The following RPTOR variants were observed in gnomAD, a reference collection of about 807,000 sequenced individuals.
RPTOR encodes the protein regulatory associated protein of MTOR complex 1, also known as regulatory-associated protein of mTOR.
A neutral mutation model predicts 169.9 loss-of-function variants in RPTOR; 21 were observed. The observed-to-expected ratio is 0.12, with a 90% confidence interval of 0.09 to 0.18. RPTOR has a LOEUF of 0.18. RPTOR is among the 10% of genes least tolerant of loss of function. The pLI is 1.00. For synonymous variants in RPTOR, 732 were observed against 753.2 expected, an observed-to-expected ratio of 0.97 and a Z score of 0.46; for missense variants, 1,133 against 1,855.9, an observed-to-expected ratio of 0.61 and a Z score of 7.16.
At chr17:80,794,555 C>T (rs570249675) in intron 7 of RPTOR, among the ~76,000 whole-genome samples, 6 of 152,326 alleles carry the variant, frequency 3.9e-5, no homozygotes, top group African/African-American at 1.2e-4. Context: ...CATTCCTACT[C>T]CTGGATATGT....
chr17:80,760,066 T>C (rs931041007), intron 6 of RPTOR, among the ~76,000 whole-genome samples: 3 of 152,140 alleles, frequency 2.0e-5, no homozygotes, highest in Non-Finnish European at 4.4e-5. Flanking sequence ...GTTCCATGTT[T>C]TATTTAGCCG....
intron 17 of RPTOR, among the ~76,000 whole-genome samples, chr17:80,889,667 C>T (rs112729882): frequency 3.4e-4 from 52 of 152,300 alleles, no homozygotes; most frequent in South Asian, 3.3e-3. Context: ...AAGGCCAGTG[C>T]GTGTGTGTGT....
chr17:80,619,881 T>C (rs1020026671), intron 1 of RPTOR, among the ~76,000 whole-genome samples: 3 of 152,178 alleles, frequency 2.0e-5, no homozygotes, highest in Non-Finnish European at 4.4e-5. Flanking sequence ...CAGGCTGTTA[T>C]AATAACATCA....
chr17:80,602,978 G>A (rs1236828322), intron 1 of RPTOR: 4 of 345,256 alleles, frequency 1.2e-5, no homozygotes, highest in Non-Finnish European at 5.5e-6. Context: ...TTCTTGGGTT[G>A]TCCATTGGAT....
chr17:80,907,503 G>A (rs1161754661), intron 20 of RPTOR, among the ~76,000 whole-genome samples: 2 of 152,262 alleles, frequency 1.3e-5, no homozygotes, highest in Non-Finnish European at 2.9e-5. Context: ...CCTCTACCAG[G>A]ATTGCTGCTT....
intron 18 of RPTOR, among the ~76,000 whole-genome samples, chr17:80,892,451 G>C (rs1051874938): frequency 6.6e-6 from 1 of 152,214 alleles, no homozygotes; most frequent in South Asian, 2.1e-4. Flanking sequence ...CATGCACCTC[G>C]TGTGCACTCG....
intron 1 of RPTOR, among the ~76,000 whole-genome samples, chr17:80,578,634 G>A (rs2064987481): frequency 6.6e-6 from 1 of 152,154 alleles, no homozygotes; most frequent in South Asian, 2.1e-4. Context: ...GGCTTTCGAG[G>A]GGCTGAAAGG....
chr17:80,561,952 CTGTA>C (rs2084503506), intron 1 of RPTOR, among the ~76,000 whole-genome samples: 2 of 152,120 alleles, frequency 1.3e-5, no homozygotes, highest in East Asian at 1.9e-4. Context: ...GTGTTTATGT[CTGTA>C]TGTATGTGTG....
At chr17:80,945,573 C>G in intron 25 of RPTOR, 94 bp from the exon 26 acceptor site, 1 of 729,656 alleles carries the variant, frequency 1.4e-6, no homozygotes. Context: ...GCCTGGGCGA[C>G]AGAGCGAGAC....
chr17:80,819,036 T>C (rs2067352527), intron 7 of RPTOR, among the ~76,000 whole-genome samples: 1 of 152,144 alleles, frequency 6.6e-6, no homozygotes, highest in Non-Finnish European at 1.5e-5. Context: ...TAGGGATGTG[T>C]TTAGTCCTGG....
intron 6 of RPTOR, among the ~76,000 whole-genome samples, chr17:80,759,380 G>A (rs572382849): frequency 4.1e-4 from 63 of 152,234 alleles, no homozygotes; most frequent in African/African-American, 1.3e-3. Flanking sequence ...TAAGCATTTA[G>A]TAGGAAGTGC....
chr17:80,924,937 G>A (rs1036641550), intron 23 of RPTOR, among the ~76,000 whole-genome samples: 3 of 152,240 alleles, frequency 2.0e-5, no homozygotes, highest in Admixed American at 1.3e-4. Flanking sequence ...AAAGCTGTGC[G>A]CTCCGTCCAG....
chr17:80,667,460 G>A (rs75438225), intron 3 of RPTOR, among the ~76,000 whole-genome samples: 1 of 152,196 alleles, frequency 6.6e-6, no homozygotes, highest in Non-Finnish European at 1.5e-5. Flanking sequence ...TTGCTGACAA[G>A]TGCATCGTGA....
rs1393353346 is a variant in RPTOR, at chr17:80,707,753, C to CGGG, written c.349-88_349-87insGGG. 394 of 1,333,108 alleles carry CGGG rather than the reference C, an allele frequency of 3.0e-4. 6 individuals are homozygous for CGGG. The African/African-American group carries it at 5.3e-3, about 18-fold the overall frequency. The allele number at this position is 1,333,108 out of a possible 1,614,324, so 82.6% of individuals were successfully genotyped here. A position where few individuals can be genotyped will look rare whatever the true frequency, so the allele number is the denominator to read the frequency against. On this transcript the variant is annotated intron_variant, in intron 3 of 33. Transcript: ENST00000306801. This position sits in a 1 kb window ranked among gnomAD's most constrained non-coding sequence, Gnocchi z 5.0. ...GTGTCCAGGACCACACAGCTATTAA[C>CGGG]TGCAAACCCAGAGGAAAGGGTAGGG...
Position 80,867,213 on chromosome 17 carries a change from A to G in RPTOR, c.1509+9313A>G, listed in dbSNP as rs548317608. ...AACCTGTTTAAGGATTGAAAAATCA[A>G]TGGATGCCTCTTCAGATTATTAAAG... is the stretch of plus-strand genomic sequence containing the variant. On this transcript the variant is annotated intron_variant, in intron 13 of 33. Transcript: ENST00000306801. 2.0e-5 allele frequency among the ~76,000 whole-genome samples: 3 copies of G among 152,342 alleles called. No individual in the cohort carries two copies. The South Asian group carries it at 6.2e-4, about 32-fold the overall frequency.
At chr17:80,905,967 TG>T (rs2068537347) in intron 20 of RPTOR, among the ~76,000 whole-genome samples, 1 of 152,142 alleles carries the variant, frequency 6.6e-6, no homozygotes, top group South Asian at 2.1e-4. Context: ...TCGAGCCTCG[TG>T]GGGAGCTGCT....
chr17:80,884,886 TG>T (rs2068226676), intron 16 of RPTOR, 121 bp from the exon 17 acceptor site: 2 of 1,310,962 alleles, frequency 1.5e-6, no homozygotes, highest in Non-Finnish European at 1.0e-6. Context: ...GCCTTGGGCC[TG>T]GAGAGCTGTT....
chr17:80,810,625 G>C (rs879291061), intron 7 of RPTOR, among the ~76,000 whole-genome samples: 3 of 152,032 alleles, frequency 2.0e-5, no homozygotes, highest in African/African-American at 4.8e-5. Flanking sequence ...CTAGATCCTT[G>C]CATTTCATAT....
chr17:80,893,686 A>G, intron 19 of RPTOR, 21 bp from the exon 20 acceptor site: 1 of 1,604,050 alleles, frequency 6.2e-7, no homozygotes, highest in South Asian at 1.1e-5. Context: ...CACCCCACTG[A>G]CCCCGTTGCG....
Sources: allele counts gnomAD v4.1 joint callset (sites outside exome capture counted in the v4.1 genomes callset), GRCh38; gene constraint gnomAD v4.1.1; non-coding constraint Gnocchi (gnomAD v3.1); transcripts MANE v1.5; gene names NCBI Gene and HGNC (gene_info 2026-07-23, HGNC 2026-07-21).